Variants in ART3 observed in about 807,000 individuals in gnomAD.
ART3 encodes the protein ADP-ribosyltransferase 3 (inactive), also known as ecto-ADP-ribosyltransferase 3.
Under a neutral mutation model 48.5 loss-of-function variants are expected in ART3, and 49 were observed. The observed-to-expected ratio is 1.01, with a 90% CI of 0.80 to 1.28. The LOEUF (loss-of-function observed/expected upper bound fraction) is 1.28, where lower values mean the gene tolerates loss of function less well. Ranked by LOEUF, ART3 falls within the 50% of genes most tolerant of loss-of-function variation. The probability of loss-of-function intolerance (pLI) is 0.00; values close to 1 mark genes in which losing one functional copy is unlikely to be tolerated. For synonymous variants in ART3, 145 were observed against 157.2 expected, an observed-to-expected ratio of 0.92 and a Z score of 0.58; for missense variants, 438 against 454.3, an observed-to-expected ratio of 0.96 and a Z score of 0.33.
chr4:76,031,437 C>T (rs1733862976), intron 1 of ART3, among the ~76,000 whole-genome samples: 1 of 152,152 alleles, frequency 6.6e-6, no homozygotes, highest in Non-Finnish European at 1.5e-5. Context: ...GCAGCTATTG[C>T]AGCAAATCCC....
At chr4:76,106,077 C>T in intron 10 of ART3, 2 of 985,188 alleles carry the variant, frequency 2.0e-6, no homozygotes, top group Non-Finnish European at 2.4e-6. Flanking sequence ...CTCATTTAAT[C>T]CAATACGATA....
chr4:76,023,650 T>C (rs1733098849), intron 1 of ART3, among the ~76,000 whole-genome samples: 1 of 152,354 alleles, frequency 6.6e-6, no homozygotes, highest in Non-Finnish European at 1.5e-5. Context: ...TTATTTATTG[T>C]AGCCTCCAAG....
intron 1 of ART3, chr4:76,035,871 C>G: frequency 6.9e-7 from 1 of 1,452,516 alleles, no homozygotes; most frequent in Non-Finnish European, 9.6e-7. Flanking sequence ...GAAGAAAAGA[C>G]ATTTGAAACA....
Position 76,103,946 on chromosome 4 carries a change from T to TC in ART3, c.949dup (p.Leu317ProfsTer2). 6.2e-7 allele frequency: 1 copy of TC among 1,613,204 alleles called. No individual in the cohort carries two copies. The highest frequency in any genetic ancestry group is 8.5e-7 in the Non-Finnish European group (1 of 1,179,602). ...TTATTTCTGCCTTTAGGTGTGAAAA[T>TC]CCTTGAACCCACCCAAATACCTGGT... On this transcript the variant is annotated frameshift_variant, in exon 9 of 12. Transcript: ENST00000355810. LOFTEE classifies it high-confidence loss of function.
chr4:76,025,932 C>CG (rs1733338181), intron 1 of ART3, among the ~76,000 whole-genome samples: 2 of 152,028 alleles, frequency 1.3e-5, no homozygotes, highest in South Asian at 4.1e-4. Context: ...TGATCACTTA[C>CG]TTTTTTTATT....
chr4:76,022,939 G>T, intron 1 of ART3: 1 of 939,922 alleles, frequency 1.1e-6, no homozygotes, highest in Non-Finnish European at 1.6e-6. Flanking sequence ...CTTAATCTGA[G>T]GAGGAATGGA....
intron 2 of ART3, among the ~76,000 whole-genome samples, chr4:76,080,850 G>A (rs1282247550): frequency 1.3e-5 from 2 of 152,120 alleles, no homozygotes; most frequent in Non-Finnish European, 2.9e-5. Context: ...TTGAGGATTA[G>A]AAATGTCAAG....
intron 1 of ART3, among the ~76,000 whole-genome samples, chr4:76,033,323 GC>G (rs1340361884): frequency 6.6e-6 from 1 of 152,162 alleles, no homozygotes; most frequent in Admixed American, 6.5e-5. Flanking sequence ...TCCTGCTGCT[GC>G]CAGGCTTGAA....
chr4:76,030,117 C>T (rs1489438879), intron 1 of ART3, among the ~76,000 whole-genome samples: 1 of 152,174 alleles, frequency 6.6e-6, no homozygotes, highest in Non-Finnish European at 1.5e-5. Context: ...AGTGCAATGA[C>T]GCGATCTCGG....
intron 6 of ART3, among the ~76,000 whole-genome samples, chr4:76,100,585 C>T (rs1427011405): frequency 2.0e-5 from 3 of 147,028 alleles, no homozygotes; most frequent in African/African-American, 5.1e-5. Context: ...GAGCTGAGAT[C>T]GTGCCACAGC....
intron 1 of ART3, chr4:76,023,546 C>T: frequency 1.1e-6 from 1 of 902,496 alleles, no homozygotes; most frequent in Non-Finnish European, 1.8e-6. Flanking sequence ...GCCATTTTCC[C>T]TCCCTAATTC....
chr4:76,039,282 T>C (rs549952429), intron 1 of ART3, among the ~76,000 whole-genome samples: 1 of 152,240 alleles, frequency 6.6e-6, no homozygotes, highest in South Asian at 2.1e-4. Flanking sequence ...GTATTTTTAG[T>C]AGAGATGGGG....
chr4:76,016,784 A>T (rs111791989), intron 1 of ART3, among the ~76,000 whole-genome samples: 1 of 152,116 alleles, frequency 6.6e-6, no homozygotes. Flanking sequence ...CACTCAATCT[A>T]TGAGACAAAG....
chr4:76,104,706 T>C (rs1461020277), intron 10 of ART3, 77 bp downstream of exon 10: 1 of 1,473,080 alleles, frequency 6.8e-7, no homozygotes, highest in African/African-American at 1.4e-5. Flanking sequence ...TGCATGGGAC[T>C]TTCTATGCCT....
chr4:76,038,696 ATTATTTATTTATTTAT>A (rs58279842), intron 1 of ART3, among the ~76,000 whole-genome samples: 25 of 149,520 alleles, frequency 1.7e-4, no homozygotes, highest in African/African-American at 3.0e-4. Flanking sequence ...TCCACCCTTG[ATTATTTATTTATTTAT>A]TTATTTATTT....
chr4:76,036,891 C>T (rs913192698), intron 1 of ART3: 5 of 217,582 alleles, frequency 2.3e-5, no homozygotes, highest in African/African-American at 9.3e-5. Flanking sequence ...CCTTCAGTAA[C>T]TCCATGCCAC....
intron 11 of ART3, chr4:76,111,942 C>T (rs1729574523): frequency 6.5e-6 from 1 of 153,528 alleles, no homozygotes; most frequent in Non-Finnish European, 1.4e-5. Flanking sequence ...GGCTCAAACT[C>T]CTGGTCTCAA....
chr4:76,012,692 G>A (rs1731911974), intron 1 of ART3, among the ~76,000 whole-genome samples: 1 of 152,126 alleles, frequency 6.6e-6, no homozygotes, highest in Non-Finnish European at 1.5e-5. Flanking sequence ...ATGATGTAAA[G>A]GACAACTTTT....
chr4:76,105,859 T>C (rs772237901), intron 10 of ART3: 4 of 985,372 alleles, frequency 4.1e-6, no homozygotes, highest in Non-Finnish European at 4.8e-6. Context: ...AAGGAATCTG[T>C]AGACATAGAA....
Sources: gnomAD v4.1 joint callset for allele counts (sites outside exome capture counted in the v4.1 genomes callset) on GRCh38, gnomAD v4.1.1 for gene constraint, MANE v1.5 for transcripts, NCBI Gene and HGNC (gene_info 2026-07-23, HGNC 2026-07-21) for gene names.